DPP6: variants seen among roughly 807,000 people sequenced by gnomAD.
DPP6 encodes A-type potassium channel modulatory protein DPP6.
In DPP6, 69 loss-of-function variants were observed where a neutral mutation model predicts 122.6. The ratio of observed to expected loss-of-function variants is 0.56; its 90% CI spans 0.46 to 0.69. The LOEUF (loss-of-function observed/expected upper bound fraction) is 0.69. DPP6 is among the 30% of genes least tolerant of loss of function. The pLI is 0.00. For missense variants in DPP6, 928 were observed against 1,116.9 expected (o/e 0.83, Z 2.41); for synonymous variants, 418 against 433.1 (o/e 0.97, Z 0.43).
At chr7:154,770,230 C>T (rs940093132) in intron 9 of DPP6, among the ~76,000 whole-genome samples, 2 of 152,170 alleles carry the variant, frequency 1.3e-5, no homozygotes, top group Non-Finnish European at 2.9e-5. Context: ...GGGGAGGCCT[C>T]ACGATCATGT....
intron 1 of DPP6, among the ~76,000 whole-genome samples, chr7:154,213,042 G>T (rs553736306): frequency 6.6e-6 from 1 of 152,174 alleles, no homozygotes; most frequent in Admixed American, 6.5e-5. Context: ...AGACATCAGC[G>T]CTTGCTCAGA....
chr7:154,181,751 T>C lies in DPP6; in HGVS notation c.243+128688T>C, dbSNP rs956737255. Among the ~76,000 whole-genome samples the C allele has an allele frequency of 2.3e-4, 32 of 139,048 alleles. 2 individuals are homozygous for C. The highest frequency in any genetic ancestry group is 3.9e-4 in the African/African-American group (13 of 33,622). The allele number at this position is 139,048 out of a possible 152,430, so 91.2% of individuals were successfully genotyped here. ...CACTCATGAAAATGCATCTCCCTCT[T>C]TTTTTTTTTTTTTTTTTGAGACAAA... On this transcript the variant is annotated intron_variant, in intron 1 of 25. Transcript: ENST00000377770.
chr7:154,401,967 C>A, intron 1 of DPP6, among the ~76,000 whole-genome samples: 1 of 152,210 alleles, frequency 6.6e-6, no homozygotes, highest in East Asian at 1.9e-4. Context: ...CAGAAGAAGA[C>A]ATTTATGCAG....
intron 7 of DPP6, among the ~76,000 whole-genome samples, chr7:154,690,459 A>T (rs760496502): frequency 5.3e-5 from 8 of 152,140 alleles, no homozygotes; most frequent in Non-Finnish European, 1.2e-4. Flanking sequence ...ACTGACTTTG[A>T]GTAACTGTCT....
intron 1 of DPP6, among the ~76,000 whole-genome samples, chr7:154,402,916 A>G (rs1406397641): frequency 2.0e-5 from 3 of 152,214 alleles, no homozygotes; most frequent in Admixed American, 6.5e-5. Flanking sequence ...TGCATGTGAC[A>G]AAACTGGAAG....
chr7:154,801,624 G>T (rs1187694565), intron 13 of DPP6, among the ~76,000 whole-genome samples, 162 bp downstream of exon 13: 1 of 152,156 alleles, frequency 6.6e-6, no homozygotes, highest in Non-Finnish European at 1.5e-5. Flanking sequence ...GAGTGCAGAG[G>T]TTCCCATCAG....
intron 1 of DPP6, among the ~76,000 whole-genome samples, chr7:154,285,780 C>G (rs894828751): frequency 1.3e-5 from 2 of 152,196 alleles, no homozygotes; most frequent in Non-Finnish European, 2.9e-5. Context: ...AGCACTATTA[C>G]TGCTGTGCAT....
In DPP6 at chr7:154,529,624, A is replaced by G. The variant is rs1276893503; in HGVS notation, c.458-10908A>G. Reference sequence around the variant, plus strand: ...AACTGACAAAGATTTTTTGAAAGCTATTATAACTATCCTCAACGAATTAAC... The same window carrying G: ...AACTGACAAAGATTTTTTGAAAGCTGTTATAACTATCCTCAACGAATTAAC... On this transcript the variant is annotated intron_variant, in intron 3 of 25. Transcript: ENST00000377770. Among the ~76,000 whole-genome samples the G allele has an allele frequency of 5.9e-5, 9 of 152,242 alleles. No individual in the cohort carries two copies. In the East Asian group the frequency reaches 1.5e-3, roughly 26 times the overall value.
At chr7:154,887,617 G>T in intron 22 of DPP6, 59 bp from the exon 23 acceptor site, 1 of 1,586,176 alleles carries the variant, frequency 6.3e-7, no homozygotes, top group Non-Finnish European at 8.7e-7. Flanking sequence ...AGAGTTTGGG[G>T]GCTGCGCTCA....
At chr7:153,952,089 C>G (rs1477103387) in intron 1 of DPP6, among the ~76,000 whole-genome samples, 1 of 152,122 alleles carries the variant, frequency 6.6e-6, no homozygotes, top group Non-Finnish European at 1.5e-5. Context: ...ATCTCATTAA[C>G]CTTTTGAACA....
chr7:154,289,663 G>A (rs189195807), intron 1 of DPP6, among the ~76,000 whole-genome samples: 14 of 152,274 alleles, frequency 9.2e-5, no homozygotes, highest in East Asian at 7.7e-4. Context: ...AATAAACTGC[G>A]TGTGCCAGTA....
At chr7:153,852,809 G>A in the DPP6 span, among the ~76,000 whole-genome samples, 3 of 152,110 alleles carry the variant, frequency 2.0e-5, no homozygotes, top group South Asian at 2.1e-4. Context: ...CTGCTCAATC[G>A]CATTGCACTT....
chr7:154,736,957 G>T (rs1842596464), intron 8 of DPP6, among the ~76,000 whole-genome samples: 1 of 152,144 alleles, frequency 6.6e-6, no homozygotes, highest in Admixed American at 6.5e-5. Flanking sequence ...AACAGTAATT[G>T]TTAACCTCGT....
intron 1 of DPP6, among the ~76,000 whole-genome samples, chr7:154,330,862 C>T (rs62475072): frequency 3.9e-5 from 6 of 152,146 alleles, no homozygotes; most frequent in Admixed American, 6.5e-5. Context: ...CTCCACTCCC[C>T]GAAGGCAGGG....
chr7:154,555,675 CTT>C (rs1447269651), intron 4 of DPP6, among the ~76,000 whole-genome samples: 2 of 151,708 alleles, frequency 1.3e-5, no homozygotes, highest in Non-Finnish European at 2.9e-5. Flanking sequence ...AAGAACATAT[CTT>C]AATATGGCTA....
intron 2 of DPP6, among the ~76,000 whole-genome samples, chr7:154,468,308 G>C (rs1282263330): frequency 6.6e-6 from 1 of 152,218 alleles, no homozygotes; most frequent in Non-Finnish European, 1.5e-5. Context: ...GAGCTGAAGA[G>C]AGATGTGGGA....
chr7:154,134,701 G>A (rs990521109), intron 1 of DPP6, among the ~76,000 whole-genome samples: 6 of 151,832 alleles, frequency 4.0e-5, no homozygotes, highest in Admixed American at 1.3e-4. Context: ...TCCTTTGAGC[G>A]TACACTTCCT....
At chr7:154,721,567 G>T (rs1375119390) in intron 7 of DPP6, among the ~76,000 whole-genome samples, 2 of 152,200 alleles carry the variant, frequency 1.3e-5, no homozygotes, top group African/African-American at 4.8e-5. Context: ...TAAGGGAAAT[G>T]TTCATGACCT....
intron 10 of DPP6, among the ~76,000 whole-genome samples, chr7:154,784,099 G>T: frequency 6.6e-6 from 1 of 152,258 alleles, no homozygotes; most frequent in East Asian, 1.9e-4. Flanking sequence ...GTTGCTGCAA[G>T]GGGTCCTGTG....
Sources: allele counts gnomAD v4.1 joint callset (sites outside exome capture counted in the v4.1 genomes callset), GRCh38; gene constraint gnomAD v4.1.1; transcripts MANE v1.5; gene names NCBI Gene and HGNC (gene_info 2026-07-23, HGNC 2026-07-21).